Variants in ANKRD62 observed in about 807,000 individuals in gnomAD.
ANKRD62 encodes the protein ankyrin repeat domain 62.
Under a neutral mutation model 98.8 loss-of-function variants are expected in ANKRD62, and 61 were observed. That is an observed-to-expected ratio of 0.62 (90% CI 0.50 to 0.76). The LOEUF (loss-of-function observed/expected upper bound fraction) is 0.76. Ranked by LOEUF, ANKRD62 falls within the 30% of genes least tolerant of loss-of-function variation. The pLI is 0.00. For missense variants in ANKRD62, 933 were observed against 1,082.9 expected, an observed-to-expected ratio of 0.86 and a Z score of 1.94; for synonymous variants, 341 against 367.9, an observed-to-expected ratio of 0.93 and a Z score of 0.84.
chr18:12,117,429 T>G (rs993632859), intron 10 of ANKRD62, among the ~76,000 whole-genome samples: 2 of 152,228 alleles, frequency 1.3e-5, no homozygotes, highest in African/African-American at 4.8e-5. Flanking sequence ...GTTTTATTTA[T>G]TTTTTCAACT....
the ANKRD62 span, among the ~76,000 whole-genome samples, chr18:12,136,799 T>C: frequency 6.6e-6 from 1 of 152,342 alleles, no homozygotes; most frequent in Non-Finnish European, 1.5e-5. Flanking sequence ...TATTTTATTC[T>C]CTTTGAAGCA....
rs188767893 is a variant in ANKRD62 at position 12,101,580 on chromosome 18, C to T, written c.821-1578C>T. Among the ~76,000 whole-genome samples, 29 of 152,248 alleles carry T rather than the reference C, an allele frequency of 1.9e-4. No homozygotes were observed. The East Asian group carries it at 4.6e-3, about 24-fold the overall frequency. ...AAACTGAACACTCTCTAATTTTCTG[C>T]GATGTTTTTATTCATGAATTAACAG... On this transcript the variant is annotated intron_variant, in intron 6 of 13. Transcript: ENST00000587848.
the ANKRD62 span, among the ~76,000 whole-genome samples, chr18:12,161,369 G>A: frequency 2.6e-5 from 4 of 151,706 alleles, no homozygotes; most frequent in African/African-American, 7.3e-5. Context: ...CATATAATAC[G>A]CCATTTTCCT....
the ANKRD62 span, among the ~76,000 whole-genome samples, chr18:12,170,379 C>T: frequency 1.1e-4 from 16 of 152,262 alleles, no homozygotes; most frequent in African/African-American, 3.6e-4. Flanking sequence ...GTCTTCATTT[C>T]GTTATGTATC....
chr18:12,108,752 G>T (rs1451114038), intron 8 of ANKRD62, among the ~76,000 whole-genome samples: 3 of 152,146 alleles, frequency 2.0e-5, no homozygotes, highest in African/African-American at 7.2e-5. Flanking sequence ...GATACAGTGG[G>T]GGTACATGCA....
intron 6 of ANKRD62, among the ~76,000 whole-genome samples, chr18:12,100,924 A>T (rs1267093463): frequency 6.6e-6 from 1 of 152,200 alleles, no homozygotes; most frequent in African/African-American, 2.4e-5. Context: ...TTATAGTAAA[A>T]GTACAGCAAC....
At chr18:12,151,107 TGGAAAAC>T in the ANKRD62 span, among the ~76,000 whole-genome samples, 1 of 152,002 alleles carries the variant, frequency 6.6e-6, no homozygotes, top group Non-Finnish European at 1.5e-5. Flanking sequence ...ACCAAGCAAA[TGGAAAAC>T]AGAAAAAAGC....
At chr18:12,117,656 T>C (rs763970038) in intron 10 of ANKRD62, among the ~76,000 whole-genome samples, 1 of 152,188 alleles carries the variant, frequency 6.6e-6, no homozygotes, top group East Asian at 1.9e-4. Context: ...TTGCTGAGAC[T>C]TTTTCATTTT....
the ANKRD62 span, among the ~76,000 whole-genome samples, chr18:12,176,127 G>A: frequency 2.6e-5 from 4 of 151,858 alleles, no homozygotes; most frequent in Non-Finnish European, 5.9e-5. Context: ...GGGAGGCAGA[G>A]GTTGCAGTGA....
At chr18:12,119,191 G>GT (rs951360866) in intron 10 of ANKRD62, among the ~76,000 whole-genome samples, 28 of 149,980 alleles carry the variant, frequency 1.9e-4, no homozygotes, top group African/African-American at 4.6e-4. Context: ...TGTCACCTTG[G>GT]TTTTTTTTTG....
At chr18:12,164,351 T>G in the ANKRD62 span, among the ~76,000 whole-genome samples, 1 of 152,004 alleles carries the variant, frequency 6.6e-6, no homozygotes, top group African/African-American at 2.4e-5. Context: ...ATGTCTTTTT[T>G]TTCGTCTCTG....
At chr18:12,141,445 G>A in the ANKRD62 span, among the ~76,000 whole-genome samples, 2 of 152,200 alleles carry the variant, frequency 1.3e-5, no homozygotes, top group South Asian at 4.1e-4. Flanking sequence ...ACTGGGAGCT[G>A]TAGACTTTGT....
Position 12,122,366 on chromosome 18 carries a change from A to G in ANKRD62, c.1304A>G (p.Gln435Arg), listed in dbSNP as rs745854365. The G allele has an allele frequency of 7.2e-6, 11 of 1,535,718 alleles. No individual in the cohort carries two copies. The highest frequency in any genetic ancestry group is 9.6e-6 in the Non-Finnish European group (11 of 1,146,718). The change falls in exon 11 of 14, where the codon CAA (glutamine) becomes CGA (arginine). Residue 435 changes from glutamine to arginine, a missense_variant. Gln to Arg is a conservative substitution (Grantham distance 43). This residue lies in a region of ANKRD62 where 549 missense variants were observed against 587.9 expected (regional missense o/e 0.93). Transcript: ENST00000587848. The stretch of plus-strand genomic sequence containing the variant: ...GCATGTGGAAGATCAATAGAGGATC[A>G]AAAATGTTACTGTGAACGACTTAAA... ...TAACGRSIED[Q>R]KCYCERLKVK...
chr18:12,135,413 A>G, the ANKRD62 span, among the ~76,000 whole-genome samples: 2 of 149,724 alleles, frequency 1.3e-5, no homozygotes, highest in South Asian at 2.1e-4. Flanking sequence ...TGGTGTATAT[A>G]TGCCACATTT....
At chr18:12,141,066 C>T in the ANKRD62 span, among the ~76,000 whole-genome samples, 5 of 152,326 alleles carry the variant, frequency 3.3e-5, no homozygotes, top group African/African-American at 1.2e-4. Context: ...GGCGCCCCTC[C>T]GCCAGCCTCG....
chr18:12,153,623 A>AAAG, the ANKRD62 span, among the ~76,000 whole-genome samples: 4 of 127,600 alleles, frequency 3.1e-5, no homozygotes, highest in African/African-American at 5.8e-5. Context: ...AAGAAAGAAA[A>AAAG]AAATGATTTT....
downstream of ANKRD62, among the ~76,000 whole-genome samples, chr18:12,134,177 A>C (rs1439888923): frequency 6.6e-6 from 1 of 152,160 alleles, no homozygotes; most frequent in Non-Finnish European, 1.5e-5. Flanking sequence ...CCTTGAAAGG[A>C]TTTAGTAGAC....
the ANKRD62 span, among the ~76,000 whole-genome samples, chr18:12,150,019 C>A: frequency 6.6e-6 from 1 of 152,198 alleles, no homozygotes; most frequent in African/African-American, 2.4e-5. Context: ...ATGGCAATAC[C>A]TAATGCAAGG....
At chr18:12,115,337 A>T in intron 9 of ANKRD62, 56 bp from the exon 10 acceptor site, 1 of 1,440,266 alleles carries the variant, frequency 6.9e-7, no homozygotes, top group Non-Finnish European at 9.2e-7. Context: ...GTGTATATTT[A>T]GTATATGCTA....
Sources: allele counts gnomAD v4.1 joint callset (sites outside exome capture counted in the v4.1 genomes callset), GRCh38; gene constraint gnomAD v4.1.1; regional missense constraint gnomAD v4.1.1; transcripts MANE v1.5; gene names NCBI Gene and HGNC (gene_info 2026-07-23, HGNC 2026-07-21).